DNASE2B: variants seen among roughly 807,000 people sequenced by gnomAD.
DNASE2B encodes deoxyribonuclease 2 beta, also known as deoxyribonuclease-2-beta.
A neutral mutation model predicts 46.0 loss-of-function variants in DNASE2B; 43 were observed. The observed-to-expected ratio is 0.94, with a 90% confidence interval of 0.73 to 1.21. The LOEUF is 1.21. DNASE2B is among the 50% of genes most tolerant of loss of function. The pLI is 0.00. For synonymous variants in DNASE2B, 156 were observed against 152.5 expected (o/e 1.02, Z -0.17); for missense variants, 395 against 414.4 (o/e 0.95, Z 0.41).
chr1:84,412,771 G>A (rs1680624497), intron 5 of DNASE2B, among the ~76,000 whole-genome samples: 1 of 151,762 alleles, frequency 6.6e-6, no homozygotes, highest in Admixed American at 6.6e-5. Flanking sequence ...TGAAAACTCA[G>A]TCTCCATCCT....
intron 2 of DNASE2B, among the ~76,000 whole-genome samples, chr1:84,406,148 C>T (rs1570301964): frequency 6.6e-6 from 1 of 151,778 alleles, no homozygotes; most frequent in African/African-American, 2.4e-5. Flanking sequence ...TACATATAGA[C>T]CCATGCAGTT....
chr1:84,399,691 G>A (rs746958190), intron 1 of DNASE2B, among the ~76,000 whole-genome samples: 6 of 151,502 alleles, frequency 4.0e-5, no homozygotes, highest in Non-Finnish European at 7.3e-5. Context: ...GAGTTGCAAA[G>A]TAGTTTGGTA....
chr1:84,408,557 A>G (rs770970136), intron 3 of DNASE2B, 39 bp downstream of exon 3: 1 of 1,564,544 alleles, frequency 6.4e-7, no homozygotes, highest in Non-Finnish European at 8.7e-7. Context: ...CCTACTGGAA[A>G]TCAACAATTT....
At chr1:84,404,542 T>A (rs1680470008) in intron 2 of DNASE2B, among the ~76,000 whole-genome samples, 1 of 152,164 alleles carries the variant, frequency 6.6e-6, no homozygotes, top group Non-Finnish European at 1.5e-5. Context: ...ATGTAATGAG[T>A]CTTAAAGGTT....
intron 2 of DNASE2B, among the ~76,000 whole-genome samples, chr1:84,406,322 A>G (rs912085591): frequency 2.0e-5 from 3 of 152,190 alleles, no homozygotes; most frequent in Admixed American, 1.3e-4. Context: ...AGAAGGAAAG[A>G]GCAACATTGT....
Position 84,412,563 on chromosome 1 carries a change from T to A in DNASE2B, c.745+17T>A, listed in dbSNP as rs745380602. The A allele has an allele frequency of 6.3e-7, 1 of 1,588,082 alleles. No individual in the cohort carries two copies. Among genetic ancestry groups the A allele is most frequent in the South Asian group, 1.1e-5 (1 of 87,876 alleles). On this transcript the variant is annotated intron_variant, in intron 5 of 5. Transcript: ENST00000370665. Reference sequence around the variant, plus strand: ...TTCTTGACGGTATGAAAGACCATCATCAAACAACATGCTGTATAATTCTGC... The same window carrying A: ...TTCTTGACGGTATGAAAGACCATCAACAAACAACATGCTGTATAATTCTGC...
intron 3 of DNASE2B, 29 bp from the exon 4 acceptor site, chr1:84,410,809 T>A: frequency 6.3e-7 from 1 of 1,595,414 alleles, no homozygotes; most frequent in Middle Eastern, 1.7e-4. Context: ...GTTTTTCTGA[T>A]TTATCTTTGT....
chr1:84,408,312 GA>G, intron 2 of DNASE2B, 124 bp from the exon 3 acceptor site: 1 of 1,319,828 alleles, frequency 7.6e-7, no homozygotes, highest in Non-Finnish European at 9.7e-7. Context: ...CCTATTAGGG[GA>G]ATAGATGACT....
intron 1 of DNASE2B, among the ~76,000 whole-genome samples, chr1:84,400,454 T>C (rs1255963221): frequency 6.6e-6 from 1 of 152,214 alleles, no homozygotes; most frequent in Admixed American, 6.5e-5. Context: ...ATATGTTCCC[T>C]AATAGTGTGG....
At position 84,412,556 on chromosome 1, in the gene DNASE2B, A is replaced by G. The variant is rs917654053; in HGVS notation, c.745+10A>G. ...GATTCTTTTCTTGACGGTATGAAAG[A>G]CCATCATCAAACAACATGCTGTATA... On this transcript the variant is annotated intron_variant, in intron 5 of 5. Coordinates refer to ENST00000370665, the MANE Select transcript of DNASE2B (RefSeq NM_021233.3). 3 of 1,596,306 alleles carry G rather than the reference A, an allele frequency of 1.9e-6. No homozygotes were observed. Among genetic ancestry groups the G allele is most frequent in the Non-Finnish European group, 2.6e-6 (3 of 1,168,524 alleles).
At chr1:84,400,827 G>A (rs1179328930) in intron 1 of DNASE2B, among the ~76,000 whole-genome samples, 1 of 152,206 alleles carries the variant, frequency 6.6e-6, no homozygotes, top group Non-Finnish European at 1.5e-5. Context: ...CATTTATTGA[G>A]AAAGGTAAGG....
intron 4 of DNASE2B, 45 bp downstream of exon 4, chr1:84,411,044 G>T: frequency 6.5e-7 from 1 of 1,540,818 alleles, no homozygotes; most frequent in Non-Finnish European, 8.8e-7. Flanking sequence ...CTATGTTGAA[G>T]AAATGATTTG....
intron 5 of DNASE2B, among the ~76,000 whole-genome samples, chr1:84,413,561 T>C (rs1001824166): frequency 6.6e-6 from 1 of 152,236 alleles, no homozygotes; most frequent in African/African-American, 2.4e-5. Flanking sequence ...CTCCCACTTC[T>C]AAGTTTCTTC....
intron 3 of DNASE2B, among the ~76,000 whole-genome samples, chr1:84,410,557 C>A (rs1362122689): frequency 6.6e-6 from 1 of 152,162 alleles, no homozygotes. Context: ...TCTGCCAAAA[C>A]AAATTTTCCT....
chr1:84,412,660 C>A, intron 5 of DNASE2B, 114 bp downstream of exon 5: 4 of 1,113,262 alleles, frequency 3.6e-6, no homozygotes, highest in Non-Finnish European at 3.7e-6. Flanking sequence ...AAAAAGGGAG[C>A]AAAAGAAAAG....
chr1:84,414,853 T>C lies in DNASE2B; in HGVS notation c.1071T>C (p.Tyr357=). 1.2e-6 allele frequency: 2 copies of C among 1,608,044 alleles called. No homozygotes were observed. Among genetic ancestry groups the C allele is most frequent in the Non-Finnish European group, 1.7e-6 (2 of 1,175,972 alleles). Residue 357 remains tyrosine, a synonymous_variant, in exon 6 of 6, where the codon TAT becomes TAC. Transcript: ENST00000370665. The part of the protein sequence containing the change: ...YQAFQGLVLY[Y]ESCK The stretch of plus-strand genomic sequence containing the variant: ...CATTTCAAGGATTAGTATTATACTA[T>C]GAAAGCTGTAAGTAAACTTGGTGAA...
intron 5 of DNASE2B, 22 bp from the exon 6 acceptor site, chr1:84,414,506 T>G (rs762766886): frequency 6.4e-7 from 1 of 1,566,778 alleles, no homozygotes; most frequent in Admixed American, 1.9e-5. Flanking sequence ...AACCTCACTA[T>G]CTTTCTCCTC....
At chr1:84,404,342 T>A (rs1364277790) in intron 2 of DNASE2B, among the ~76,000 whole-genome samples, 1 of 152,222 alleles carries the variant, frequency 6.6e-6, no homozygotes, top group African/African-American at 2.4e-5. Flanking sequence ...CTTGATTGAC[T>A]CTGTCATAAA....
At chr1:84,400,784 G>C (rs1024437309) in intron 1 of DNASE2B, among the ~76,000 whole-genome samples, 3 of 152,216 alleles carry the variant, frequency 2.0e-5, no homozygotes, top group Non-Finnish European at 1.5e-5. Context: ...GTCTGTTAGA[G>C]AGAATATAAG....
Sources: allele counts gnomAD v4.1 joint callset (sites outside exome capture counted in the v4.1 genomes callset), GRCh38; gene constraint gnomAD v4.1.1; transcripts MANE v1.5; gene names NCBI Gene and HGNC (gene_info 2026-07-23, HGNC 2026-07-21).